Variants in PCDH15 observed in about 807,000 individuals in gnomAD.
PCDH15 encodes protocadherin-15.
In PCDH15, 129 loss-of-function variants were observed where a neutral mutation model predicts 178.5. The ratio of observed to expected loss-of-function variants is 0.72; its 90% confidence interval spans 0.63 to 0.84. The LOEUF (loss-of-function observed/expected upper bound fraction) is 0.84. PCDH15 is among the 40% of genes least tolerant of loss of function. The pLI, the probability that PCDH15 is intolerant of heterozygous loss-of-function variation, is 0.00. For missense variants in PCDH15, 2,230 were observed against 2,099.9 expected (o/e 1.06, Z -1.21); for synonymous variants, 800 against 732.0 (o/e 1.09, Z -1.50).
At chr10:54,194,873 A>G (rs2049440947) in intron 11 of PCDH15, among the ~76,000 whole-genome samples, 1 of 152,106 alleles carries the variant, frequency 6.6e-6, no homozygotes. Flanking sequence ...CAGGCACTCA[A>G]TGGGACTCTC....
chr10:55,502,529 G>T (rs1565201889), intron 2 of PCDH15, among the ~76,000 whole-genome samples: 1 of 151,636 alleles, frequency 6.6e-6, no homozygotes, highest in South Asian at 2.1e-4. Context: ...GTCTTATTGC[G>T]CAGTGATAAA....
intron 2 of PCDH15, among the ~76,000 whole-genome samples, chr10:54,923,181 C>T (rs1837538508): frequency 7.2e-6 from 1 of 138,352 alleles, no homozygotes; most frequent in Non-Finnish European, 1.7e-5. Flanking sequence ...ATTTTGGCCC[C>T]TTTTAGCCAT....
At chr10:54,259,514 T>A (rs1294944088) in intron 8 of PCDH15, among the ~76,000 whole-genome samples, 2 of 152,174 alleles carry the variant, frequency 1.3e-5, no homozygotes, top group East Asian at 1.9e-4. Context: ...ACACGGAGAC[T>A]AAGAGAAGAT....
intron 33 of PCDH15, 120 bp from the exon 34 acceptor site, chr10:53,818,133 C>T (rs946374624): frequency 1.0e-5 from 4 of 392,366 alleles, no homozygotes; most frequent in African/African-American, 2.1e-5. Flanking sequence ...ACAATTTCTA[C>T]TAAACACTAT....
chr10:54,667,652 A>G (rs4935536), intron 1 of PCDH15, among the ~76,000 whole-genome samples: 10,753 of 152,136 alleles, frequency 0.071, 503 homozygotes, highest in Admixed American at 0.098. Flanking sequence ...CTTTACTTTT[A>G]CTACAAATCC....
chr10:55,504,554 G>T (rs1003194701), intron 2 of PCDH15, among the ~76,000 whole-genome samples: 4 of 151,110 alleles, frequency 2.6e-5, no homozygotes, highest in Admixed American at 6.6e-5. Context: ...AAGTAATTTA[G>T]CTTTTCTAAG....
chr10:54,769,650 T>C (rs553274487), intron 1 of PCDH15, among the ~76,000 whole-genome samples: 2 of 152,184 alleles, frequency 1.3e-5, no homozygotes, highest in South Asian at 2.1e-4. Context: ...GAATCCATTC[T>C]GCTAAAGGTG....
chr10:54,462,805 C>T (rs1405499195), intron 3 of PCDH15, among the ~76,000 whole-genome samples: 1 of 144,610 alleles, frequency 6.9e-6, no homozygotes, highest in African/African-American at 2.6e-5. Context: ...GCTGGGATTA[C>T]AGGTGTGAGC....
intron 2 of PCDH15, among the ~76,000 whole-genome samples, chr10:55,007,167 G>T (rs1839950527): frequency 6.6e-6 from 1 of 152,118 alleles, no homozygotes; most frequent in Non-Finnish European, 1.5e-5. Context: ...GCAGCCTACA[G>T]AACTGAGAGT....
chr10:53,994,342 T>A (rs1266374249), intron 21 of PCDH15, among the ~76,000 whole-genome samples: 1 of 152,202 alleles, frequency 6.6e-6, no homozygotes, highest in Admixed American at 6.5e-5. Context: ...TTTTTTTAAA[T>A]GTATGTTAGT....
intron 37 of PCDH15, 125 bp downstream of exon 37, chr10:53,810,431 T>C (rs971165113): frequency 2.5e-6 from 2 of 785,866 alleles, no homozygotes; most frequent in Non-Finnish European, 2.1e-6. Flanking sequence ...GAAATTTCTA[T>C]GGGAAATACG....
chr10:53,921,565 A>T (rs1371978947), intron 25 of PCDH15, among the ~76,000 whole-genome samples: 1 of 152,108 alleles, frequency 6.6e-6, no homozygotes, highest in Non-Finnish European at 1.5e-5. Flanking sequence ...AGCCAGGCCA[A>T]TCAGATTCTC....
chr10:54,052,452 T>A (rs574469571), intron 18 of PCDH15, among the ~76,000 whole-genome samples: 1 of 152,332 alleles, frequency 6.6e-6, no homozygotes, highest in African/African-American at 2.4e-5. Context: ...GTTTAATGAC[T>A]GCCCTCTTGG....
chr10:53,957,390 T>A (rs2134245607), intron 23 of PCDH15, among the ~76,000 whole-genome samples: 1 of 152,270 alleles, frequency 6.6e-6, no homozygotes, highest in Admixed American at 6.5e-5. Context: ...AGAGAAGTTC[T>A]TCCAAAACAG....
At position 55,101,833 on chromosome 10, in the gene PCDH15, T is replaced by C; in HGVS notation, c.-80+64743A>G. Among the ~76,000 whole-genome samples the C allele has an allele frequency of 1.3e-5, 2 of 151,666 alleles. 1 individual carries two copies. The highest frequency in any genetic ancestry group is 2.9e-5 in the Non-Finnish European group (2 of 67,902). ...AGAACAATTTTAAAAACTAAGTGCA[T>C]TTTCATCATCTTTGAAGTAGATCTA... On this transcript the variant is annotated intron_variant, in intron 2 of 5. Transcript: ENST00000458638.
intron 27 of PCDH15, among the ~76,000 whole-genome samples, chr10:53,864,468 T>G (rs1221826542): frequency 6.6e-6 from 1 of 152,192 alleles, no homozygotes; most frequent in Non-Finnish European, 1.5e-5. Context: ...GGAGTGGCTG[T>G]GGGCCAAGCA....
At chr10:55,260,909 G>A (rs1162528780) in intron 1 of PCDH15, among the ~76,000 whole-genome samples, 1 of 152,072 alleles carries the variant, frequency 6.6e-6, no homozygotes, top group Non-Finnish European at 1.5e-5. Context: ...ATCCATATTT[G>A]TACCTGATCT....
chr10:54,275,277 TTGAAA>T (rs2058288584), intron 8 of PCDH15, among the ~76,000 whole-genome samples: 1 of 151,902 alleles, frequency 6.6e-6, no homozygotes, highest in Non-Finnish European at 1.5e-5. Flanking sequence ...CAGATTCTGA[TTGAAA>T]TATTTTACAA....
At chr10:54,871,091 A>T (rs532999210) in intron 3 of PCDH15, among the ~76,000 whole-genome samples, 1 of 152,296 alleles carries the variant, frequency 6.6e-6, no homozygotes, top group South Asian at 2.1e-4. Context: ...AAAAATCCAC[A>T]TCTGTCACCA....
Sources: gnomAD v4.1 joint callset for allele counts (sites outside exome capture counted in the v4.1 genomes callset) on GRCh38, gnomAD v4.1.1 for gene constraint, MANE v1.5 for transcripts, NCBI Gene and HGNC (gene_info 2026-07-23, HGNC 2026-07-21) for gene names.